Variants in LATS2 observed in about 807,000 individuals in gnomAD.
LATS2 encodes the protein serine/threonine-protein kinase LATS2.
A neutral mutation model predicts 76.0 loss-of-function variants in LATS2; 24 were observed. The ratio of observed to expected loss-of-function variants is 0.32; its 90% CI spans 0.23 to 0.44. The LOEUF (loss-of-function observed/expected upper bound fraction) is 0.44, where lower values mean the gene tolerates loss of function less well. Among genes scored for constraint, LATS2 ranks in the 20% least tolerant of loss-of-function variants. LATS2 has a pLI of 1.00. For synonymous variants in LATS2, 692 were observed against 635.4 expected (o/e 1.09, Z -1.34); for missense variants, 1,286 against 1,481.2 (o/e 0.87, Z 2.16).
At chr13:20,993,431 C>T (rs182844423) in intron 2 of LATS2, among the ~76,000 whole-genome samples, 147 of 152,280 alleles carry the variant, frequency 9.7e-4, no homozygotes, top group African/African-American at 3.2e-3. Flanking sequence ...ACAAAAAACA[C>T]AGGCTGTAAA....
chr13:21,031,925 T>C (rs979206792), intron 2 of LATS2, among the ~76,000 whole-genome samples: 2 of 152,202 alleles, frequency 1.3e-5, no homozygotes, highest in Admixed American at 1.3e-4. Context: ...TTCCCTTTCA[T>C]TGTCTGAATA....
At chr13:21,059,598 A>AAC (rs1565969284) in intron 1 of LATS2, among the ~76,000 whole-genome samples, 3 of 151,322 alleles carry the variant, frequency 2.0e-5, no homozygotes, top group Non-Finnish European at 4.4e-5. Flanking sequence ...ACGTCTCAAA[A>AAC]AACAACAACA....
chr13:21,040,064 A>G (rs1872815493), intron 2 of LATS2, among the ~76,000 whole-genome samples: 1 of 149,012 alleles, frequency 6.7e-6, no homozygotes, highest in Non-Finnish European at 1.5e-5. Context: ...TAAGAGCGAA[A>G]CTCCATCTCA....
intron 2 of LATS2, among the ~76,000 whole-genome samples, chr13:21,022,441 C>T (rs1201916969): frequency 6.6e-6 from 1 of 152,146 alleles, no homozygotes; most frequent in Non-Finnish European, 1.5e-5. Flanking sequence ...GCCTAAAATC[C>T]CTGACATCTC....
intron 1 of LATS2, among the ~76,000 whole-genome samples, chr13:21,054,923 T>G (rs1873403336): frequency 6.6e-6 from 1 of 152,194 alleles, no homozygotes; most frequent in Non-Finnish European, 1.5e-5. Context: ...TTTCTCCATC[T>G]CCCACCATAG....
chr13:21,030,531 G>T (rs1872482785), intron 2 of LATS2, among the ~76,000 whole-genome samples: 1 of 148,116 alleles, frequency 6.8e-6, no homozygotes, highest in African/African-American at 2.5e-5. Context: ...GGAGCTTGCA[G>T]CGAGCTGAGA....
At chr13:20,979,530 T>C (rs546178680) in intron 7 of LATS2, among the ~76,000 whole-genome samples, 161 bp downstream of exon 7, 2 of 152,240 alleles carry the variant, frequency 1.3e-5, no homozygotes, top group South Asian at 4.1e-4. Context: ...TAAAAATAGA[T>C]AATTTAAAAA....
intron 7 of LATS2, among the ~76,000 whole-genome samples, chr13:20,978,602 G>A (rs534277971): frequency 5.0e-4 from 76 of 152,196 alleles, no homozygotes; most frequent in African/African-American, 1.8e-3. Flanking sequence ...CACAGTTTGA[G>A]GGTCACTTAC....
Position 20,992,863 on chromosome 13 carries a change from C to T in LATS2, c.343-1459G>A, listed in dbSNP as rs749573432. 2.6e-5 allele frequency among the ~76,000 whole-genome samples: 4 copies of T among 151,892 alleles called. No homozygotes were observed. The East Asian group carries it at 5.8e-4, about 22-fold the overall frequency. On this transcript the variant is annotated intron_variant, in intron 2 of 7. Transcript: ENST00000382592. Reference sequence around the variant, plus strand: ...CATCCTGGCCAACATGGTGAAATCCCGTCTCTGCTAAAAATACAAAAATTA... The same window carrying T: ...CATCCTGGCCAACATGGTGAAATCCTGTCTCTGCTAAAAATACAAAAATTA...
intron 1 of LATS2, among the ~76,000 whole-genome samples, 197 bp from the exon 2 acceptor site, chr13:21,046,427 T>C (rs1307147081): frequency 2.6e-5 from 4 of 152,346 alleles, no homozygotes; most frequent in Middle Eastern, 3.4e-3. Context: ...TGTCCCAAAA[T>C]GCTTCCTGTA....
chr13:20,998,996 G>A (rs1049051191), intron 2 of LATS2, among the ~76,000 whole-genome samples: 2 of 151,310 alleles, frequency 1.3e-5, no homozygotes, highest in African/African-American at 2.4e-5. Context: ...GCAGGACAGG[G>A]ATCCCCGCGA....
Position 21,031,657 on chromosome 13 carries a change from G to C in LATS2, c.342+14028C>G, listed in dbSNP as rs1187098707. ...TGGGATCACTTGAGCCTAGGAGTTC[G>C]AGACCAGCCTGGGCAAAATAGTGAG... On this transcript the variant is annotated intron_variant, in intron 2 of 7. Coordinates refer to ENST00000382592, the MANE Select transcript of LATS2 (RefSeq NM_014572.3). Among the ~76,000 whole-genome samples the C allele has an allele frequency of 2.0e-5, 3 of 152,064 alleles. No individual in the cohort carries two copies. In the East Asian group the frequency reaches 5.8e-4, roughly 29 times the overall value.
intron 6 of LATS2, 52 bp from the exon 7 acceptor site, chr13:20,979,849 G>A: frequency 9.8e-7 from 1 of 1,016,074 alleles, no homozygotes; most frequent in East Asian, 2.5e-5. Flanking sequence ...TCTCCTCCGA[G>A]GTGAATTTCA....
At position 21,061,483 on chromosome 13, in the gene LATS2, G is replaced by C. The variant is rs1474814987; in HGVS notation, c.-342C>G. 2 of 153,434 alleles carry C rather than the reference G, an allele frequency of 1.3e-5. No individual in the cohort carries two copies. The highest frequency in any genetic ancestry group is 4.8e-5 in the African/African-American group (2 of 41,478). 9.5% of individuals were successfully genotyped at this position (153,434 alleles called of 1,614,324 possible). The stretch of plus-strand genomic sequence containing the variant: ...GGGGGAGCCCCGGGCGGCGGCGGTG[G>C]CGTGGACGGCGACTGCTCCATCTTC... On this transcript the variant is annotated 5_prime_UTR_variant, in exon 1 of 8. Transcript: ENST00000382592.
At chr13:20,975,975 T>C (rs1179434711) in intron 7 of LATS2, among the ~76,000 whole-genome samples, 1 of 152,210 alleles carries the variant, frequency 6.6e-6, no homozygotes, top group Admixed American at 6.5e-5. Context: ...CAAACCATCA[T>C]GACGCTCATT....
At chr13:21,023,072 C>T (rs945239483) in intron 2 of LATS2, 2 of 152,216 alleles carry the variant, frequency 1.3e-5, no homozygotes, top group African/African-American at 2.4e-5. Context: ...CCTGCAGAGC[C>T]CCAGGGGGGC....
At chr13:21,017,717 C>T (rs923128336) in intron 2 of LATS2, among the ~76,000 whole-genome samples, 10 of 151,952 alleles carry the variant, frequency 6.6e-5, no homozygotes, top group African/African-American at 2.2e-4. Flanking sequence ...CCTCCGTCTC[C>T]GGGGTTCAAG....
chr13:20,985,320 A>C (rs1194831169), intron 4 of LATS2, among the ~76,000 whole-genome samples: 1 of 152,250 alleles, frequency 6.6e-6, no homozygotes, highest in East Asian at 1.9e-4. Context: ...AACAGAGTAA[A>C]GAGGATACCT....
chr13:20,987,793 T>G (rs1870225760), intron 4 of LATS2, 88 bp downstream of exon 4: 1 of 1,471,220 alleles, frequency 6.8e-7, no homozygotes, highest in Non-Finnish European at 9.3e-7. Flanking sequence ...GGGTATACAG[T>G]CGAAACAGAA....
Sources: allele counts gnomAD v4.1 joint callset (sites outside exome capture counted in the v4.1 genomes callset), GRCh38; gene constraint gnomAD v4.1.1; transcripts MANE v1.5; gene names NCBI Gene and HGNC (gene_info 2026-07-23, HGNC 2026-07-21).